Variants in ZHX2 observed in about 807,000 individuals in gnomAD.
The protein encoded by ZHX2 is zinc fingers and homeoboxes 2.
Under a neutral mutation model 21.9 loss-of-function variants are expected in ZHX2, and 6 were observed. The observed-to-expected ratio is 0.27, with a 90% confidence interval of 0.15 to 0.54. The LOEUF (loss-of-function observed/expected upper bound fraction) is 0.54. ZHX2 is among the 20% of genes least tolerant of loss of function. The probability of loss-of-function intolerance (pLI) is 0.95; values close to 1 mark genes in which losing one functional copy is unlikely to be tolerated. For missense variants in ZHX2, 908 were observed against 1,090.7 expected (o/e 0.83, Z 2.36); for synonymous variants, 434 against 437.1 (o/e 0.99, Z 0.09).
rs191412994 is a variant in ZHX2, at chr8:122,949,216, A to G, written c.-219-2076A>G. Among the ~76,000 whole-genome samples, 8 of 152,286 alleles carry G rather than the reference A, an allele frequency of 5.3e-5. No homozygotes were observed. In the East Asian group the frequency reaches 1.5e-3, roughly 29 times the overall value. On this transcript the variant is annotated intron_variant, in intron 2 of 3. Coordinates refer to ENST00000314393, the MANE Select transcript of ZHX2 (RefSeq NM_014943.5). ...GCGCATGCCTGTAATCCAACTATGC[A>G]GGAGGCTGAGGCAGGAGAATCGTTT...
At chr8:122,922,940 C>T (rs1213888468) in intron 2 of ZHX2, among the ~76,000 whole-genome samples, 4 of 152,166 alleles carry the variant, frequency 2.6e-5, no homozygotes, top group Non-Finnish European at 5.9e-5. Flanking sequence ...CTGCTGGGGA[C>T]TGCAAAGGGG....
At chr8:122,931,459 G>T (rs916603480) in intron 2 of ZHX2, among the ~76,000 whole-genome samples, 6 of 152,188 alleles carry the variant, frequency 3.9e-5, no homozygotes, top group African/African-American at 1.4e-4. Context: ...TATGTCATCT[G>T]ATCCTCAATA....
chr8:122,973,091 G>C (rs1813766626), intron 3 of ZHX2, among the ~76,000 whole-genome samples, 151 bp from the exon 4 acceptor site: 1 of 152,148 alleles, frequency 6.6e-6, no homozygotes, highest in African/African-American at 2.4e-5. Flanking sequence ...TACATGAAGG[G>C]CATGTGTCTC....
chr8:122,792,010 C>A (rs1432406946), intron 1 of ZHX2, among the ~76,000 whole-genome samples: 5 of 152,146 alleles, frequency 3.3e-5, no homozygotes, highest in Middle Eastern at 3.2e-3. Context: ...TTTAAGTGTA[C>A]AATTTATTGA....
At chr8:122,819,466 G>T (rs1443051127) in intron 1 of ZHX2, among the ~76,000 whole-genome samples, 2 of 152,240 alleles carry the variant, frequency 1.3e-5, no homozygotes, top group African/African-American at 4.8e-5. Context: ...CTTTTTAGAA[G>T]AAGGACTTGA....
At position 122,939,809 on chromosome 8, in the gene ZHX2, G is replaced by A. The variant is rs149030542; in HGVS notation, c.-219-11483G>A. On this transcript the variant is annotated intron_variant, in intron 2 of 3. Coordinates refer to ENST00000314393, the MANE Select transcript of ZHX2 (RefSeq NM_014943.5). ...AGGTGAGATGAGCTAGCAGAAGTAC[G>A]CAGCACCTGATACAGTGCCTGGCCA... Among the ~76,000 whole-genome samples, 505 of 152,268 alleles carry A rather than the reference G, an allele frequency of 3.3e-3. 1 individual carries two copies. The highest frequency in any genetic ancestry group is 0.011 in the African/African-American group (475 of 41,548).
At chr8:122,787,202 A>G (rs903692387) in intron 1 of ZHX2, among the ~76,000 whole-genome samples, 2 of 152,152 alleles carry the variant, frequency 1.3e-5, no homozygotes, top group Admixed American at 1.3e-4. Context: ...CACCAGGGCC[A>G]GAACCTGTCT....
intron 2 of ZHX2, among the ~76,000 whole-genome samples, chr8:122,920,082 T>C (rs981868111): frequency 5.9e-5 from 9 of 152,274 alleles, no homozygotes; most frequent in Admixed American, 2.0e-4. Context: ...AAGACCAGCA[T>C]GGTCAACATG....
At position 122,828,220 on chromosome 8, in the gene ZHX2, C is replaced by T. The variant is rs896037869; in HGVS notation, c.-282-35257C>T. Among the ~76,000 whole-genome samples, 1 of 152,168 alleles carries T rather than the reference C, an allele frequency of 6.6e-6. No homozygotes were observed. The highest frequency in any genetic ancestry group is 2.4e-5 in the African/African-American group (1 of 41,446). On this transcript the variant is annotated intron_variant, in intron 1 of 3. Coordinates refer to ENST00000314393, the MANE Select transcript of ZHX2 (RefSeq NM_014943.5). This position sits in a 1 kb window ranked among gnomAD's most constrained non-coding sequence, Gnocchi z 5.2. Reference sequence around the variant, plus strand: ...GAGTGCAGCGTATATGGAACAAAAGCACCCCTGTGGAGTGGACAGAAGCAC... The same window carrying T: ...GAGTGCAGCGTATATGGAACAAAAGTACCCCTGTGGAGTGGACAGAAGCAC...
At chr8:122,879,972 CTT>C (rs35351207) in intron 2 of ZHX2, among the ~76,000 whole-genome samples, 16 of 126,366 alleles carry the variant, frequency 1.3e-4, no homozygotes, top group African/African-American at 2.6e-4. Context: ...CTATTGTTAC[CTT>C]TTTTTTTTTT....
chr8:122,882,779 C>T (rs1819743940), intron 2 of ZHX2, among the ~76,000 whole-genome samples: 1 of 152,032 alleles, frequency 6.6e-6, no homozygotes, highest in African/African-American at 2.4e-5. Flanking sequence ...GCCAGGAGTT[C>T]GAGACCAGCC....
chr8:122,904,308 G>T (rs1820297685), intron 2 of ZHX2, among the ~76,000 whole-genome samples: 1 of 152,172 alleles, frequency 6.6e-6, no homozygotes, highest in Non-Finnish European at 1.5e-5. Flanking sequence ...TCCAGCCCCT[G>T]CTCCACCAGC....
At chr8:122,950,088 A>C (rs1813071543) in intron 2 of ZHX2, among the ~76,000 whole-genome samples, 1 of 152,196 alleles carries the variant, frequency 6.6e-6, no homozygotes, top group Non-Finnish European at 1.5e-5. Flanking sequence ...AGGCCAGTTG[A>C]GGCCAAAACT....
intron 2 of ZHX2, among the ~76,000 whole-genome samples, chr8:122,920,614 G>T (rs191655725): frequency 1.1e-3 from 162 of 152,284 alleles, no homozygotes; most frequent in African/African-American, 3.8e-3. Context: ...GTGTGGTGTA[G>T]CTTCAGTTTT....
rs190174195 is a variant in ZHX2 at position 122,888,642 on chromosome 8, C to T, written c.-220+25103C>T. ...GGATTACAGGTATACGCTGCCACATCTGGCTAATTTTTGTATTCTTAATAG... is the reference window on the plus strand; with the variant it reads ...GGATTACAGGTATACGCTGCCACATTTGGCTAATTTTTGTATTCTTAATAG... On this transcript the variant is annotated intron_variant, in intron 2 of 3. Transcript: ENST00000314393. 3.6e-3 allele frequency among the ~76,000 whole-genome samples: 548 copies of T among 152,286 alleles called. 4 individuals are homozygous for T. Among genetic ancestry groups the T allele is most frequent in the African/African-American group, 0.011 (437 of 41,566 alleles).
chr8:122,973,781 G>T lies in ZHX2; in HGVS notation c.*544G>T, dbSNP rs182792068. On this transcript the variant is annotated 3_prime_UTR_variant, in exon 4 of 4. Transcript: ENST00000314393. ...TAGGTTGAAATTTGGGAGATTTCTC[G>T]GCAGGAAGGGCTGAAATCCAGGCCC... The T allele has an allele frequency of 6.6e-6, 1 of 152,482 alleles. No individual in the cohort carries two copies. Among genetic ancestry groups the T allele is most frequent in the Non-Finnish European group, 1.5e-5 (1 of 68,018 alleles). The allele number at this position is 152,482 out of a possible 1,614,324, so 9.4% of individuals were successfully genotyped here. A position where few individuals can be genotyped will look rare whatever the true frequency, so the allele number is the denominator to read the frequency against.
intron 1 of ZHX2, among the ~76,000 whole-genome samples, chr8:122,853,525 A>C (rs1460913687): frequency 6.6e-6 from 1 of 152,136 alleles, no homozygotes; most frequent in African/African-American, 2.4e-5. Flanking sequence ...TGTGGTGTGC[A>C]TGCACCCCTG....
At chr8:122,797,881 T>A (rs1817641559) in intron 1 of ZHX2, among the ~76,000 whole-genome samples, 1 of 152,218 alleles carries the variant, frequency 6.6e-6, no homozygotes, top group Admixed American at 6.5e-5. Context: ...ATAACAATAG[T>A]CACGCTAATG....
intron 2 of ZHX2, among the ~76,000 whole-genome samples, chr8:122,868,477 G>C (rs1563760900): frequency 6.6e-6 from 1 of 151,754 alleles, no homozygotes; most frequent in Non-Finnish European, 1.5e-5. Flanking sequence ...GGGAGACCCT[G>C]TCTCTACAAA....
Sources: gnomAD v4.1 joint callset for allele counts (sites outside exome capture counted in the v4.1 genomes callset) on GRCh38, gnomAD v4.1.1 for gene constraint, Gnocchi (gnomAD v3.1) non-coding constraint, MANE v1.5 for transcripts, NCBI Gene and HGNC (gene_info 2026-07-23, HGNC 2026-07-21) for gene names.